The following DYNC1H1 variants were observed in gnomAD, a reference collection of about 807,000 sequenced individuals.
DYNC1H1 encodes cytoplasmic dynein 1 heavy chain 1.
DYNC1H1 carries 51 observed loss-of-function variants against 527.1 expected under a neutral mutation model. That is an observed-to-expected ratio of 0.10 (90% CI 0.08 to 0.12). The LOEUF (loss-of-function observed/expected upper bound fraction) is 0.12. DYNC1H1 is among the 10% of genes least tolerant of loss of function. The pLI is 1.00. For missense variants in DYNC1H1, 2,771 were observed against 5,971.8 expected, an observed-to-expected ratio of 0.46 and a Z score of 17.66; for synonymous variants, 2,189 against 2,278.8, an observed-to-expected ratio of 0.96 and a Z score of 1.12.
intron 10 of DYNC1H1, among the ~76,000 whole-genome samples, 176 bp downstream of exon 10, chr14:101,989,028 G>A (rs534286181): frequency 8.5e-5 from 13 of 152,340 alleles, no homozygotes; most frequent in African/African-American, 2.9e-4. Flanking sequence ...CCTCTGATGT[G>A]ATGCGATGGG....
intron 23 of DYNC1H1, among the ~76,000 whole-genome samples, chr14:102,004,105 G>T (rs902154994): frequency 6.6e-6 from 1 of 151,678 alleles, no homozygotes; most frequent in Non-Finnish European, 1.5e-5. Flanking sequence ...TTAGCCGGGC[G>T]TGGTGGTGGG....
chr14:101,974,092 C>CTTTA lies in DYNC1H1; in HGVS notation c.257-1604_257-1601dup, dbSNP rs1287736468. ...GAACTGTTGAAACTACTGCCCTTTC[C>CTTTA]TTTATTTATTTATTTATTTTTTTTG... On this transcript the variant is annotated intron_variant, in intron 1 of 77. Transcript: ENST00000360184. Among the ~76,000 whole-genome samples, 5 of 152,158 alleles carry CTTTA rather than the reference C, an allele frequency of 3.3e-5. No homozygotes were observed. The East Asian group carries it at 7.7e-4, about 23-fold the overall frequency.
chr14:101,973,162 A>T (rs1366388536), intron 1 of DYNC1H1, among the ~76,000 whole-genome samples: 1 of 151,522 alleles, frequency 6.6e-6, no homozygotes, highest in Non-Finnish European at 1.5e-5. Flanking sequence ...CCAAAACAAT[A>T]ATTTGGAAGA....
intron 10 of DYNC1H1, among the ~76,000 whole-genome samples, 187 bp from the exon 11 acceptor site, chr14:101,991,340 C>T (rs910045247): frequency 2.0e-5 from 3 of 152,080 alleles, no homozygotes; most frequent in South Asian, 2.1e-4. Context: ...GGCTTGCTGG[C>T]GCATGCCCGT....
rs968044796 is a variant in DYNC1H1, at chr14:101,964,591, G to A, written c.-101G>A. 11 of 1,525,468 alleles carry A rather than the reference G, an allele frequency of 7.2e-6. No individual in the cohort carries two copies. The highest frequency in any genetic ancestry group is 9.6e-6 in the Non-Finnish European group (11 of 1,141,448). 94.5% of individuals were successfully genotyped at this position (1,525,468 alleles called of 1,614,324 possible). ...TCTCCTCAGTCTGCGGTGGGCTAGCGGACGGTCCGGCTTCCGGCGGCCGTT... is the reference window on the plus strand; with the variant it reads ...TCTCCTCAGTCTGCGGTGGGCTAGCAGACGGTCCGGCTTCCGGCGGCCGTT... On this transcript the variant is annotated 5_prime_UTR_variant, in exon 1 of 78. Transcript: ENST00000360184. The surrounding 1 kb of genome is among the most constrained non-coding windows in gnomAD (Gnocchi z 5.5).
chr14:102,019,814 T>C, intron 41 of DYNC1H1, 79 bp from the exon 42 acceptor site: 2 of 1,564,130 alleles, frequency 1.3e-6, no homozygotes, highest in South Asian at 1.1e-5. Context: ...TAAACATGTT[T>C]TGCCACATTT....
intron 24 of DYNC1H1, 34 bp from the exon 25 acceptor site, chr14:102,004,728 C>G: frequency 1.2e-6 from 2 of 1,614,062 alleles, no homozygotes; most frequent in Non-Finnish European, 1.7e-6. Context: ...CACATTTTTG[C>G]ATACCTCATT....
In DYNC1H1 at chr14:101,986,447, C is replaced by T; in HGVS notation, c.2222C>T (p.Pro741Leu). 1 of 1,614,106 alleles carries T rather than the reference C, an allele frequency of 6.2e-7. No homozygotes were observed. Among genetic ancestry groups the T allele is most frequent in the South Asian group, 1.1e-5 (1 of 91,084 alleles). The change falls in exon 8 of 78, where the codon CCT (proline) becomes CTT (leucine). Residue 741 changes from proline to leucine, a missense_variant. Coordinates refer to ENST00000360184, the MANE Select transcript of DYNC1H1 (RefSeq NM_001376.5). This position sits in a 1 kb window ranked among gnomAD's most constrained non-coding sequence, Gnocchi z 8.7. ...NVLKLKVNFLPEIITLSKEVR... is the reference protein window; with the variant it reads ...NVLKLKVNFLLEIITLSKEVR... The stretch of plus-strand genomic sequence containing the variant: ...CTTAAGCTGAAAGTTAACTTTCTTC[C>T]TGAGATTATCACACTATCCAAAGAA...
At position 101,995,310 on chromosome 14, in the gene DYNC1H1, G is replaced by C; in HGVS notation, c.3564+10G>C. 1 of 1,614,072 alleles carries C rather than the reference G, an allele frequency of 6.2e-7. No homozygotes were observed. The highest frequency in any genetic ancestry group is 2.2e-5 in the East Asian group (1 of 44,878). On this transcript the variant is annotated intron_variant, in intron 15 of 77. Coordinates refer to ENST00000360184, the MANE Select transcript of DYNC1H1 (RefSeq NM_001376.5). ...TGAGAAGCAAGTTGAGGTGAGCTCTGTGCATATTTAAAAATTTTTGGCTGG... is the reference window on the plus strand; with the variant it reads ...TGAGAAGCAAGTTGAGGTGAGCTCTCTGCATATTTAAAAATTTTTGGCTGG...
chr14:102,048,791 A>ACAGAGCT, intron 74 of DYNC1H1, 122 bp downstream of exon 74: 4 of 614,442 alleles, frequency 6.5e-6, no homozygotes, highest in Non-Finnish European at 7.5e-6. Context: ...TTCCGAGAGC[A>ACAGAGCT]GCTCTGTGCT....
chr14:102,009,830 A>T lies in DYNC1H1; in HGVS notation c.5978-13A>T. On this transcript the variant is annotated splice_polypyrimidine_tract_variant and intron_variant, in intron 29 of 77. Coordinates refer to ENST00000360184, the MANE Select transcript of DYNC1H1 (RefSeq NM_001376.5). The stretch of plus-strand genomic sequence containing the variant: ...TAACATTTCTAGTCTTAACGCTATC[A>T]TCTCATTCTCAGCCTCTGCCCCCAT... 2 of 1,613,824 alleles carry T rather than the reference A, an allele frequency of 1.2e-6. No individual in the cohort carries two copies. The highest frequency in any genetic ancestry group is 1.7e-6 in the Non-Finnish European group (2 of 1,179,974).
At position 102,008,335 on chromosome 14, in the gene DYNC1H1, A is replaced by T; in HGVS notation, c.5975A>T (p.Lys1992Met). Residue 1992 changes from lysine to methionine, a missense_variant and splice_region_variant, in exon 29 of 78, where the codon AAG becomes ATG. Lys to Met is a moderately conservative substitution (Grantham distance 95). Around this residue, in one of 32 missense-constraint regions of DYNC1H1, gnomAD observed 39 missense variants for 38.8 expected, o/e 1.00. Coordinates refer to ENST00000360184, the MANE Select transcript of DYNC1H1 (RefSeq NM_001376.5). ...LREHSNPNYDKTSAPITCELL... is the reference protein window; with the variant it reads ...LREHSNPNYDMTSAPITCELL... ...GAACATTCCAACCCCAACTACGACAAGAGTAAGACACCTCTTCTTCAAAAA... is the reference window on the plus strand; with the variant it reads ...GAACATTCCAACCCCAACTACGACATGAGTAAGACACCTCTTCTTCAAAAA... 6.2e-7 allele frequency: 1 copy of T among 1,614,134 alleles called. No individual in the cohort carries two copies. The highest frequency in any genetic ancestry group is 8.5e-7 in the Non-Finnish European group (1 of 1,180,012).
intron 52 of DYNC1H1, 103 bp downstream of exon 52, chr14:102,032,570 G>A: frequency 6.9e-7 from 1 of 1,459,374 alleles, no homozygotes; most frequent in Non-Finnish European, 9.4e-7. Context: ...CGGCTGTTCA[G>A]GCCAGGCACA....
chr14:101,972,405 C>T (rs533361400), intron 1 of DYNC1H1, among the ~76,000 whole-genome samples: 1 of 152,284 alleles, frequency 6.6e-6, no homozygotes, highest in South Asian at 2.1e-4. Context: ...TTCGTAGTGA[C>T]TTCCATAAGT....
chr14:102,019,746 C>T lies in DYNC1H1; in HGVS notation c.8344-147C>T. On this transcript the variant is annotated intron_variant, in intron 41 of 77. Transcript: ENST00000360184. ...CCTCCCTAGTAGCTGGGACTACAGG[C>T]ACCCACCACCATGTCCAGCTATCTT... 4 of 1,014,352 alleles carry T rather than the reference C, an allele frequency of 3.9e-6. No homozygotes were observed. The South Asian group carries it at 5.8e-5, about 15-fold the overall frequency. 62.8% of individuals were successfully genotyped at this position (1,014,352 alleles called of 1,614,324 possible). A position where few individuals can be genotyped will look rare whatever the true frequency, so the allele number is the denominator to read the frequency against.
In DYNC1H1 at chr14:102,033,704, T is replaced by C; in HGVS notation, c.10413+220T>C. The stretch of plus-strand genomic sequence containing the variant: ...ATACAAACTGGACACTTTTCAGCCG[T>C]TGAATCCCCCACCAGCAGCTCCAGA... On this transcript the variant is annotated intron_variant, in intron 54 of 77. Transcript: ENST00000360184. The surrounding 1 kb of genome is among the most constrained non-coding windows in gnomAD (Gnocchi z 5.6). 1.4e-6 allele frequency: 1 copy of C among 709,644 alleles called. No homozygotes were observed. The highest frequency in any genetic ancestry group is 1.8e-5 in the South Asian group (1 of 56,528). 44.0% of individuals were successfully genotyped at this position (709,644 alleles called of 1,614,324 possible).
At chr14:102,032,549 C>A in intron 52 of DYNC1H1, 82 bp downstream of exon 52, 1 of 1,567,714 alleles carries the variant, frequency 6.4e-7, no homozygotes, top group Non-Finnish European at 8.7e-7. Context: ...CGCCTCCAAT[C>A]CCAGAACTTT....
intron 4 of DYNC1H1, 123 bp downstream of exon 4, chr14:101,980,097 G>A: frequency 6.9e-7 from 1 of 1,459,826 alleles, no homozygotes; most frequent in Non-Finnish European, 9.4e-7. Flanking sequence ...CCGCCTCTTG[G>A]TCCTGGGACT....
At chr14:102,026,439 T>G in intron 43 of DYNC1H1, 135 bp from the exon 44 acceptor site, 1 of 952,548 alleles carries the variant, frequency 1.0e-6, no homozygotes, top group Middle Eastern at 3.3e-4. Context: ...TTATATTTTT[T>G]TGCTATGTTA....
Sources: allele counts gnomAD v4.1 joint callset (sites outside exome capture counted in the v4.1 genomes callset), GRCh38; gene constraint gnomAD v4.1.1; regional missense constraint gnomAD v4.1.1; non-coding constraint Gnocchi (gnomAD v3.1); transcripts MANE v1.5; gene names NCBI Gene and HGNC (gene_info 2026-07-23, HGNC 2026-07-21).